Variants in LINGO1 observed in about 807,000 individuals in gnomAD.
LINGO1 encodes leucine rich repeat and Ig domain containing 1.
LINGO1 carries 11 observed loss-of-function variants against 37.3 expected under a neutral mutation model. That is an observed-to-expected ratio of 0.29 (90% CI 0.19 to 0.49). The LOEUF (loss-of-function observed/expected upper bound fraction) is 0.49, where lower values mean the gene tolerates loss of function less well. Ranked by LOEUF, LINGO1 falls within the 20% of genes least tolerant of loss-of-function variation. The probability of loss-of-function intolerance (pLI) is 0.99; values close to 1 mark genes in which losing one functional copy is unlikely to be tolerated. For missense variants in LINGO1, 585 were observed against 878.2 expected (o/e 0.67, Z 4.22); for synonymous variants, 387 against 403.0 (o/e 0.96, Z 0.48).
chr15:77,779,587 A>G (rs745473703), intron 1 of LINGO1, among the ~76,000 whole-genome samples: 106 of 152,168 alleles, frequency 7.0e-4, no homozygotes, highest in Admixed American at 2.5e-3. Context: ...TCACATGCGC[A>G]GTTCACAATA....
chr15:77,817,360 C>T (rs930912802), intron 1 of LINGO1, among the ~76,000 whole-genome samples: 5 of 152,150 alleles, frequency 3.3e-5, no homozygotes, highest in African/African-American at 1.2e-4. Flanking sequence ...CATCTTTGGC[C>T]CACAGAGGGG....
chr15:77,717,250 C>T (rs1232765907), intron 2 of LINGO1, among the ~76,000 whole-genome samples: 1 of 150,816 alleles, frequency 6.6e-6, no homozygotes. Flanking sequence ...GGAAATGTTC[C>T]ACTCGAAAGC....
chr15:77,651,668 T>C (rs2074760416), intron 3 of LINGO1: 1 of 152,230 alleles, frequency 6.6e-6, no homozygotes, highest in South Asian at 2.1e-4. Flanking sequence ...ATTGAAGTCC[T>C]TGAAATCACA....
chr15:77,679,590 G>C (rs772968602), intron 2 of LINGO1, among the ~76,000 whole-genome samples: 1 of 152,190 alleles, frequency 6.6e-6, no homozygotes, highest in Non-Finnish European at 1.5e-5. Context: ...TTACAGAAGA[G>C]AAAACTGACA....
intron 2 of LINGO1, among the ~76,000 whole-genome samples, chr15:77,795,466 C>T (rs937950211): frequency 6.6e-6 from 1 of 152,208 alleles, no homozygotes; most frequent in Non-Finnish European, 1.5e-5. Context: ...TTATCCTGCC[C>T]TGAAGGTGTC....
At chr15:77,774,564 G>A (rs537273828) in intron 1 of LINGO1, among the ~76,000 whole-genome samples, 2 of 152,172 alleles carry the variant, frequency 1.3e-5, no homozygotes, top group East Asian at 1.9e-4. Flanking sequence ...ACACAATCCC[G>A]GGTGCCTGAT....
rs555397349 is a variant in LINGO1 at position 77,692,401 on chromosome 15, G to A, written c.-280-1500C>T. On this transcript the variant is annotated intron_variant, in intron 1 of 3. Coordinates refer to the LINGO1 transcript ENST00000559893. ...GGAGGGAGTGGCTGTTGCCATGGAG[G>A]AGTGGAAACACGGACGGAGAGTTTT... Among the ~76,000 whole-genome samples, 42 of 152,306 alleles carry A rather than the reference G, an allele frequency of 2.8e-4. No individual in the cohort carries two copies. In the South Asian group the frequency reaches 3.7e-3, roughly 14 times the overall value.
At chr15:77,739,399 C>CA (rs2076237859) in intron 1 of LINGO1, among the ~76,000 whole-genome samples, 1 of 152,100 alleles carries the variant, frequency 6.6e-6, no homozygotes, top group Non-Finnish European at 1.5e-5. Context: ...GGGCCAGGGA[C>CA]AAAAAACCAA....
At chr15:77,721,720 G>C (rs1254643239) in intron 2 of LINGO1, among the ~76,000 whole-genome samples, 1 of 152,164 alleles carries the variant, frequency 6.6e-6, no homozygotes, top group East Asian at 1.9e-4. Flanking sequence ...AGGAAGACAG[G>C]AGCACCTCCT....
upstream of LINGO1, among the ~76,000 whole-genome samples, chr15:77,636,786 A>C (rs945239158): frequency 6.6e-6 from 1 of 152,148 alleles, no homozygotes; most frequent in Non-Finnish European, 1.5e-5. Context: ...AGAAGCCACC[A>C]CAGAGACCCA....
intron 2 of LINGO1, among the ~76,000 whole-genome samples, chr15:77,793,439 T>G (rs1481794884): frequency 6.6e-6 from 1 of 152,036 alleles, no homozygotes; most frequent in Non-Finnish European, 1.5e-5. Flanking sequence ...TTCCTCAGCC[T>G]CCGGTGCAAG....
chr15:77,812,573 C>G (rs1220813136), intron 1 of LINGO1, among the ~76,000 whole-genome samples: 1 of 152,204 alleles, frequency 6.6e-6, no homozygotes, highest in African/African-American at 2.4e-5. Context: ...GGGTCACAGA[C>G]AGGGGGGCTT....
intron 1 of LINGO1, among the ~76,000 whole-genome samples, chr15:77,819,751 G>A (rs1269872028): frequency 1.3e-5 from 2 of 150,606 alleles, no homozygotes; most frequent in East Asian, 4.0e-4. Flanking sequence ...GACCCCGCGG[G>A]CGGCCCGGCT....
chr15:77,802,505 A>C (rs1219954604), intron 1 of LINGO1, among the ~76,000 whole-genome samples: 1 of 152,066 alleles, frequency 6.6e-6, no homozygotes, highest in Non-Finnish European at 1.5e-5. Context: ...CAAACTGCAG[A>C]GATCAGGCCA....
intron 2 of LINGO1, among the ~76,000 whole-genome samples, chr15:77,711,416 G>A (rs1462857638): frequency 1.3e-5 from 2 of 152,204 alleles, no homozygotes; most frequent in Admixed American, 6.5e-5. Flanking sequence ...GGGCCACAGG[G>A]AGAGAAGACA....
chr15:77,732,464 A>C (rs56151256), intron 2 of LINGO1, among the ~76,000 whole-genome samples: 27,891 of 152,304 alleles, frequency 0.18, 2,871 homozygotes, highest in Non-Finnish European at 0.24. Context: ...TCTCAAGCTC[A>C]CACAAAACGT....
chr15:77,699,687 C>CAT, upstream of LINGO1, among the ~76,000 whole-genome samples: 1 of 152,268 alleles, frequency 6.6e-6, no homozygotes, highest in African/African-American at 2.4e-5. Flanking sequence ...CATCTGCACA[C>CAT]AGTAAGCACA....
At chr15:77,668,792 TAC>T (rs34476518) in intron 3 of LINGO1, among the ~76,000 whole-genome samples, 16,876 of 134,536 alleles carry the variant, frequency 0.13, 1,069 homozygotes, top group African/African-American at 0.19. Flanking sequence ...CACAGGGGAA[TAC>T]ACACACACAC....
chr15:77,811,658 C>T (rs4303454), intron 1 of LINGO1, among the ~76,000 whole-genome samples: 26,493 of 152,252 alleles, frequency 0.17, 2,758 homozygotes, highest in Admixed American at 0.31. Flanking sequence ...TCAGAGGCCT[C>T]AGTCCGCTCA....
Sources: allele counts gnomAD v4.1 joint callset (sites outside exome capture counted in the v4.1 genomes callset), GRCh38; gene constraint gnomAD v4.1.1; transcripts MANE v1.5; gene names NCBI Gene and HGNC (gene_info 2026-07-23, HGNC 2026-07-21).